The following CDC42BPB variants were observed in gnomAD, a reference collection of about 807,000 sequenced individuals.
The protein encoded by CDC42BPB is CDC42 binding protein kinase beta, also known as serine/threonine-protein kinase MRCK beta.
A neutral mutation model predicts 214.9 loss-of-function variants in CDC42BPB; 37 were observed. That is an observed-to-expected ratio of 0.17 (90% CI 0.13 to 0.23). The LOEUF (loss-of-function observed/expected upper bound fraction) is 0.23, where lower values mean the gene tolerates loss of function less well. CDC42BPB is among the 10% of genes least tolerant of loss of function. The pLI is 1.00. For synonymous variants in CDC42BPB, 931 were observed against 884.0 expected (o/e 1.05, Z -0.94); for missense variants, 1,694 against 2,227.0 (o/e 0.76, Z 4.82).
chr14:103,013,084 A>T (rs953974487), intron 1 of CDC42BPB, among the ~76,000 whole-genome samples: 34 of 152,238 alleles, frequency 2.2e-4, no homozygotes, highest in Non-Finnish European at 1.5e-5. Flanking sequence ...AGCAAACATC[A>T]TCACACAAAA....
chr14:102,971,185 T>C (rs1006446689), intron 13 of CDC42BPB, among the ~76,000 whole-genome samples: 2 of 152,346 alleles, frequency 1.3e-5, no homozygotes, highest in Middle Eastern at 6.8e-3. Flanking sequence ...ACTCAACTGT[T>C]TTCCATTCAG....
chr14:103,024,822 G>C (rs1886959510), intron 1 of CDC42BPB, among the ~76,000 whole-genome samples: 1 of 152,090 alleles, frequency 6.6e-6, no homozygotes, highest in Non-Finnish European at 1.5e-5. Flanking sequence ...CAAGTGATCT[G>C]CCCACCTCGG....
At chr14:102,948,088 A>T in intron 26 of CDC42BPB, 1 of 451,280 alleles carries the variant, frequency 2.2e-6, no homozygotes, top group Non-Finnish European at 2.8e-6. Context: ...CTCGGTTTGC[A>T]CTTGGCACAG....
intron 20 of CDC42BPB, among the ~76,000 whole-genome samples, chr14:102,960,756 T>C (rs902652635): frequency 6.6e-6 from 1 of 152,028 alleles, no homozygotes; most frequent in Admixed American, 6.6e-5. Context: ...GCAGGAAAAA[T>C]AGCTTAATAA....
intron 7 of CDC42BPB, chr14:102,981,269 G>T: frequency 2.4e-6 from 2 of 834,450 alleles, no homozygotes; most frequent in Non-Finnish European, 2.9e-6. Context: ...TTTACCTATG[G>T]AAGTGGCAAG....
chr14:102,967,385 T>C (rs1213469679), intron 16 of CDC42BPB: 1 of 984,796 alleles, frequency 1.0e-6, no homozygotes. Context: ...GAGCTGGAGC[T>C]AGTGACTTCA....
At chr14:102,995,720 GGGCC>G (rs1310869242) in intron 5 of CDC42BPB, among the ~76,000 whole-genome samples, 1 of 152,240 alleles carries the variant, frequency 6.6e-6, no homozygotes, top group African/African-American at 2.4e-5. Flanking sequence ...CCCCAGGAAG[GGGCC>G]CAAGCGGCAG....
intron 27 of CDC42BPB, among the ~76,000 whole-genome samples, chr14:102,947,052 C>A (rs1892212943): frequency 6.6e-6 from 1 of 152,184 alleles, no homozygotes; most frequent in Non-Finnish European, 1.5e-5. Flanking sequence ...CAAATCATGC[C>A]TCCCTGTGAG....
At chr14:103,029,672 T>C (rs534271654) in intron 1 of CDC42BPB, among the ~76,000 whole-genome samples, 1 of 150,590 alleles carries the variant, frequency 6.6e-6, no homozygotes, top group South Asian at 2.1e-4. Context: ...CTGGCCAACA[T>C]GGTGAAACCC....
intron 5 of CDC42BPB, among the ~76,000 whole-genome samples, chr14:102,997,778 G>A (rs533394628): frequency 3.3e-5 from 5 of 152,314 alleles, no homozygotes; most frequent in South Asian, 2.1e-4. Context: ...TCATAGTTAC[G>A]CAGTCACAGT....
chr14:102,967,260 T>C (rs1893253506), intron 16 of CDC42BPB, 90 bp from the exon 17 acceptor site: 2 of 1,478,952 alleles, frequency 1.4e-6, no homozygotes, highest in Non-Finnish European at 9.0e-7. Context: ...TTGAAGACTC[T>C]GAAAGTTTTC....
At chr14:102,958,273 A>C (rs1250164478) in intron 21 of CDC42BPB, among the ~76,000 whole-genome samples, 1 of 152,186 alleles carries the variant, frequency 6.6e-6, no homozygotes, top group Non-Finnish European at 1.5e-5. Flanking sequence ...TAACTGCTGA[A>C]GTATGTTGGG....
intron 12 of CDC42BPB, chr14:102,972,408 C>A: frequency 1.2e-6 from 1 of 857,972 alleles, no homozygotes; most frequent in Non-Finnish European, 1.4e-6. Context: ...CCCCACAGGC[C>A]GGGCACAGTG....
At chr14:102,964,825 T>C in intron 18 of CDC42BPB, 175 bp from the exon 19 acceptor site, 1 of 904,358 alleles carries the variant, frequency 1.1e-6, no homozygotes, top group Non-Finnish European at 1.3e-6. Context: ...ATGACTTTTT[T>C]TACTCTTCCT....
At chr14:103,027,600 G>C (rs911607758) in intron 1 of CDC42BPB, among the ~76,000 whole-genome samples, 2 of 152,112 alleles carry the variant, frequency 1.3e-5, no homozygotes, top group Non-Finnish European at 2.9e-5. Flanking sequence ...TATGCTAAAT[G>C]AAAGAAGCCA....
At chr14:102,974,960 C>CA (rs1194568978) in intron 11 of CDC42BPB, among the ~76,000 whole-genome samples, 2 of 151,786 alleles carry the variant, frequency 1.3e-5, no homozygotes, top group African/African-American at 4.8e-5. Context: ...AACAAAAAAA[C>CA]AAAAAAACAA....
intron 1 of CDC42BPB, among the ~76,000 whole-genome samples, chr14:103,032,685 T>A (rs1887456643): frequency 6.9e-6 from 1 of 145,050 alleles, no homozygotes; most frequent in Admixed American, 7.1e-5. Context: ...CAGTCTGGAG[T>A]GCAGTGGTGT....
chr14:102,966,176 C>A, intron 18 of CDC42BPB, 106 bp downstream of exon 18: 1 of 804,088 alleles, frequency 1.2e-6, no homozygotes, highest in Non-Finnish European at 2.0e-6. Context: ...ACAGAAGTCT[C>A]TTGCATCACT....
At chr14:102,955,165 G>A (rs747629526) in intron 21 of CDC42BPB, among the ~76,000 whole-genome samples, 8 of 152,230 alleles carry the variant, frequency 5.3e-5, no homozygotes, top group Admixed American at 6.5e-5. Flanking sequence ...GCTCACGCCT[G>A]TAATCCCAGC....
Sources: allele counts gnomAD v4.1 joint callset (sites outside exome capture counted in the v4.1 genomes callset), GRCh38; gene constraint gnomAD v4.1.1; transcripts MANE v1.5; gene names NCBI Gene and HGNC (gene_info 2026-07-23, HGNC 2026-07-21).